PGM2: variants seen among roughly 807,000 people sequenced by gnomAD.
PGM2 encodes phosphoglucomutase 2.
Under a neutral mutation model 74.6 loss-of-function variants are expected in PGM2, and 57 were observed. That is an observed-to-expected ratio of 0.76 (90% CI 0.62 to 0.95). The LOEUF is 0.95. Ranked by LOEUF, PGM2 falls within the 40% of genes least tolerant of loss-of-function variation. PGM2 has a pLI of 0.00. For synonymous variants in PGM2, 273 were observed against 260.7 expected (o/e 1.05, Z -0.46); for missense variants, 706 against 741.9 (o/e 0.95, Z 0.56).
intron 3 of PGM2, among the ~76,000 whole-genome samples, chr4:37,835,576 A>G (rs1725546717): frequency 1.3e-5 from 2 of 152,206 alleles, no homozygotes; most frequent in South Asian, 4.1e-4. Flanking sequence ...ATTTTTAATC[A>G]TTCTAGAGTA....
chr4:37,849,252 T>G (rs1353053254), intron 11 of PGM2, among the ~76,000 whole-genome samples: 4 of 152,088 alleles, frequency 2.6e-5, no homozygotes, highest in Non-Finnish European at 5.9e-5. Context: ...ATCTATTCAT[T>G]TTTTTGTAGC....
chr4:37,830,001 C>T lies in PGM2; in HGVS notation c.119C>T (p.Ala40Val). 6.2e-7 allele frequency: 1 copy of T among 1,608,220 alleles called. No homozygotes were observed. Among genetic ancestry groups the T allele is most frequent in the South Asian group, 1.1e-5 (1 of 90,012 alleles). Residue 40 changes from alanine (A) to valine (V), a missense_variant, in exon 2 of 14, where the codon GCA becomes GTA. This residue lies in a region of PGM2 where 332 missense variants were observed against 334.9 expected (regional missense o/e 0.99). Transcript: ENST00000381967. ...LTLEAVKRLIAEGNKEELRKC... is the reference protein window; with the variant it reads ...LTLEAVKRLIVEGNKEELRKC... The stretch of plus-strand genomic sequence containing the variant: ...TTGGAGGCAGTGAAACGACTAATAG[C>T]AGAAGGTAATAAAGAAGAACTACGA...
At chr4:37,849,971 A>G (rs2152179865) in intron 11 of PGM2, among the ~76,000 whole-genome samples, 1 of 151,136 alleles carries the variant, frequency 6.6e-6, no homozygotes, top group Admixed American at 6.6e-5. Flanking sequence ...TATTTTTAGT[A>G]AAGACGAGGT....
chr4:37,831,443 C>G (rs1725442487), intron 2 of PGM2, among the ~76,000 whole-genome samples: 1 of 152,172 alleles, frequency 6.6e-6, no homozygotes, highest in Non-Finnish European at 1.5e-5. Context: ...ATTTTGCTCA[C>G]AAATCTGCAA....
intron 13 of PGM2, among the ~76,000 whole-genome samples, chr4:37,860,033 T>C (rs1379953567): frequency 3.3e-5 from 5 of 152,328 alleles, no homozygotes; most frequent in African/African-American, 1.2e-4. Flanking sequence ...CCTTACACGG[T>C]GGTACTGATT....
chr4:37,854,538 A>G (rs1035038254), intron 12 of PGM2, among the ~76,000 whole-genome samples: 1 of 152,022 alleles, frequency 6.6e-6, no homozygotes, highest in Non-Finnish European at 1.5e-5. Context: ...TTTAGTAGAG[A>G]CGGGGTTTTG....
chr4:37,857,966 C>T (rs1214107313), intron 13 of PGM2, among the ~76,000 whole-genome samples: 1 of 152,128 alleles, frequency 6.6e-6, no homozygotes, highest in Non-Finnish European at 1.5e-5. Flanking sequence ...AAGAAATGGA[C>T]AGTCCAACTA....
chr4:37,828,818 T>C (rs1327550799), intron 1 of PGM2, among the ~76,000 whole-genome samples: 2 of 152,238 alleles, frequency 1.3e-5, no homozygotes, highest in Non-Finnish European at 2.9e-5. Context: ...GCCTCTTTTA[T>C]GTACCTGATC....
intron 2 of PGM2, 130 bp downstream of exon 2, chr4:37,830,261 T>C: frequency 5.1e-6 from 3 of 590,308 alleles, no homozygotes; most frequent in Admixed American, 3.7e-5. Flanking sequence ...TCACCACCAT[T>C]TACTCCATAA....
rs1199464918 is a variant in PGM2 at position 37,855,703 on chromosome 4, C to T, written c.1698C>T (p.Ile566=). 1.9e-6 allele frequency: 3 copies of T among 1,614,112 alleles called. No homozygotes were observed. In the South Asian group the frequency reaches 3.3e-5, roughly 18 times the overall value. The change falls in exon 13 of 14, where the codon ATC becomes ATT. Residue 566 remains isoleucine (I), a synonymous_variant. Transcript: ENST00000381967. ...GCACCAGTGGGACAGAGCCCAAAATCAAGTACTATGCAGAGCTGTGTGCCC... is the reference window on the plus strand; with the variant it reads ...GCACCAGTGGGACAGAGCCCAAAATTAAGTACTATGCAGAGCTGTGTGCCC... ...TMRTSGTEPK[I]KYYAELCAPP...
chr4:37,861,364 T>C, intron 13 of PGM2, 146 bp from the exon 14 acceptor site: 1 of 582,556 alleles, frequency 1.7e-6, no homozygotes, highest in Non-Finnish European at 3.1e-6. Context: ...TGTTCCATGC[T>C]TAAGTCTCTG....
At chr4:37,838,687 G>C (rs911294833) in intron 4 of PGM2, among the ~76,000 whole-genome samples, 15 of 152,096 alleles carry the variant, frequency 9.9e-5, no homozygotes, top group Non-Finnish European at 1.9e-4. Flanking sequence ...ATGTAGTTCA[G>C]GTTTCATTGT....
intron 13 of PGM2, among the ~76,000 whole-genome samples, chr4:37,857,833 T>A (rs533071754): frequency 6.6e-6 from 1 of 152,204 alleles, no homozygotes; most frequent in South Asian, 2.1e-4. Context: ...GCAAGAATCT[T>A]GTTTTCGTGT....
At chr4:37,852,448 C>A (rs74412526) in intron 12 of PGM2, among the ~76,000 whole-genome samples, 342 of 70,536 alleles carry the variant, frequency 4.8e-3, no homozygotes, top group African/African-American at 0.014. Context: ...AGGATTGAGT[C>A]CCTTGCTCCT....
chr4:37,855,440 G>A (rs6531589), intron 12 of PGM2, among the ~76,000 whole-genome samples, 168 bp from the exon 13 acceptor site: 116,988 of 152,012 alleles, frequency 0.77, 45,481 homozygotes, highest in African/African-American at 0.88. Context: ...AATTACTATC[G>A]TTTAGTATTT....
At chr4:37,850,510 AT>A (rs1327885817) in intron 12 of PGM2, 137 bp downstream of exon 12, 7 of 548,134 alleles carry the variant, frequency 1.3e-5, no homozygotes, top group African/African-American at 2.0e-5. Context: ...GCTATAAAAA[AT>A]ATATGGAAGC....
chr4:37,859,357 A>T (rs1711683534), intron 13 of PGM2, among the ~76,000 whole-genome samples: 1 of 152,136 alleles, frequency 6.6e-6, no homozygotes, highest in African/African-American at 2.4e-5. Flanking sequence ...CTATTAAGAG[A>T]TTGTTTGCAA....
chr4:37,850,360 C>A lies in PGM2; in HGVS notation c.1589C>A (p.Pro530His), dbSNP rs183536678. The change falls in exon 12 of 14, where the codon CCT (proline) becomes CAT (histidine). Residue 530 changes from proline (P) to histidine (H), a missense_variant. Around this residue, in one of 3 missense-constraint regions of PGM2, gnomAD observed 359 missense variants for 371.1 expected, o/e 0.97. Transcript: ENST00000381967. ...ACAACTGGCTATGATGATAGCCAAC[C>A]TGATAAAAAAGCTGTAAGTAATGTC... is the stretch of plus-strand genomic sequence containing the variant. ...DLTTGYDDSQ[P>H]DKKAVLPTSK... The A allele has an allele frequency of 3.9e-6, 6 of 1,531,722 alleles. No homozygotes were observed. In the African/African-American group the frequency reaches 8.5e-5, roughly 22 times the overall value. 94.9% of individuals were successfully genotyped at this position (1,531,722 alleles called of 1,614,324 possible).
chr4:37,839,848 C>T lies in PGM2; in HGVS notation c.442C>T (p.Pro148Ser), dbSNP rs772269446. Residue 148 changes from proline to serine, a missense_variant and splice_region_variant, in exon 5 of 14, where the codon CCC (proline) becomes TCC (serine). Transcript: ENST00000381967. ...FSDITPTPFV[P>S]FTVSHLKLCA... The stretch of plus-strand genomic sequence containing the variant: ...GTTCTTGTTTCCTGCTATGTTACAG[C>T]CCTTCACAGTATCACATTTGAAACT... 32 of 1,549,668 alleles carry T rather than the reference C, an allele frequency of 2.1e-5. No individual in the cohort carries two copies. The East Asian group carries it at 6.7e-4, about 33-fold the overall frequency.
Sources: allele counts gnomAD v4.1 joint callset (sites outside exome capture counted in the v4.1 genomes callset), GRCh38; gene constraint gnomAD v4.1.1; regional missense constraint gnomAD v4.1.1; transcripts MANE v1.5; gene names NCBI Gene and HGNC (gene_info 2026-07-23, HGNC 2026-07-21).